The following TBC1D19 variants were observed in gnomAD, a reference collection of about 807,000 sequenced individuals.
TBC1D19 encodes the protein TBC1 domain family, member 19.
In TBC1D19, 60 loss-of-function variants were observed where a neutral mutation model predicts 89.0. That is an observed-to-expected ratio of 0.67 (90% CI 0.55 to 0.84). The LOEUF (loss-of-function observed/expected upper bound fraction) is 0.84. Ranked by LOEUF, TBC1D19 falls within the 40% of genes least tolerant of loss-of-function variation. TBC1D19 has a pLI of 0.00. For synonymous variants in TBC1D19, 189 were observed against 199.7 expected (o/e 0.95, Z 0.45); for missense variants, 500 against 610.8 (o/e 0.82, Z 1.91).
the TBC1D19 span, among the ~76,000 whole-genome samples, chr4:26,837,167 C>A: frequency 8.5e-5 from 13 of 152,106 alleles, no homozygotes; most frequent in African/African-American, 2.9e-4. Context: ...AGTCACTAAA[C>A]CACAGAGGCA....
intron 17 of TBC1D19, among the ~76,000 whole-genome samples, chr4:26,740,215 A>T (rs114050457): frequency 0.017 from 2,556 of 152,314 alleles, 51 homozygotes; most frequent in South Asian, 0.067. Flanking sequence ...TCTTTTACAT[A>T]TTAAAAAAAT....
chr4:26,836,514 C>A, the TBC1D19 span, among the ~76,000 whole-genome samples: 1 of 152,178 alleles, frequency 6.6e-6, no homozygotes, highest in African/African-American at 2.4e-5. Context: ...GTCCTGCACC[C>A]CCAGCTGCCT....
Position 26,584,431 on chromosome 4 carries a change from AC to A in TBC1D19, c.99+140del. ...GTGCTCAAAAAACAAACAGACAAAA[AC>A]AAAAACAAAAACAAAAACAAAAACA... On this transcript the variant is annotated intron_variant, in intron 1 of 20. Coordinates refer to ENST00000264866, the MANE Select transcript of TBC1D19 (RefSeq NM_018317.4). 4 of 593,222 alleles carry A rather than the reference AC, an allele frequency of 6.7e-6. No homozygotes were observed. The East Asian group carries it at 1.2e-4, about 18-fold the overall frequency. The allele number at this position is 593,222 out of a possible 1,614,324, so 36.7% of individuals were successfully genotyped here.
chr4:26,841,474 G>A, the TBC1D19 span, among the ~76,000 whole-genome samples: 1 of 152,088 alleles, frequency 6.6e-6, no homozygotes, highest in South Asian at 2.1e-4. Context: ...TGATGCAGAG[G>A]TTGCAATATC....
chr4:26,593,169 C>T (rs1739940334), intron 1 of TBC1D19, among the ~76,000 whole-genome samples: 1 of 152,152 alleles, frequency 6.6e-6, no homozygotes, highest in Non-Finnish European at 1.5e-5. Context: ...GAACAGAGGC[C>T]TCAGAAATAA....
Position 26,670,935 on chromosome 4 carries a change from T to A in TBC1D19, c.665-1214T>A, listed in dbSNP as rs1250211003. Among the ~76,000 whole-genome samples, 6 of 151,440 alleles carry A rather than the reference T, an allele frequency of 4.0e-5. No homozygotes were observed. In the East Asian group the frequency reaches 1.2e-3, roughly 29 times the overall value. ...TGTATTGTAATCTATTGTATGAATA[T>A]GCCACTATCTAGTATCCTGCTGATG... On this transcript the variant is annotated intron_variant, in intron 9 of 20. Coordinates refer to ENST00000264866, the MANE Select transcript of TBC1D19 (RefSeq NM_018317.4).
chr4:26,650,528 T>G (rs1006757852), intron 7 of TBC1D19, among the ~76,000 whole-genome samples: 5 of 152,142 alleles, frequency 3.3e-5, no homozygotes, highest in Non-Finnish European at 7.4e-5. Flanking sequence ...GAAGTGTCTG[T>G]TCATATCCTT....
At chr4:26,728,331 TA>T (rs1239165101) in intron 15 of TBC1D19, among the ~76,000 whole-genome samples, 1 of 152,222 alleles carries the variant, frequency 6.6e-6, no homozygotes, top group Non-Finnish European at 1.5e-5. Flanking sequence ...AATATGTACT[TA>T]CACTTTTATA....
intron 1 of TBC1D19, 139 bp from the exon 2 acceptor site, chr4:26,613,030 A>G: frequency 1.7e-6 from 1 of 605,578 alleles, no homozygotes; most frequent in South Asian, 2.1e-5. Context: ...CTATCTTCAA[A>G]GAGGATTTTT....
intron 13 of TBC1D19, among the ~76,000 whole-genome samples, chr4:26,703,725 G>A (rs1027854232): frequency 4.4e-4 from 67 of 151,622 alleles, no homozygotes; most frequent in Non-Finnish European, 8.4e-4. Flanking sequence ...AGGCCAAGGC[G>A]GGTGGATCAC....
intron 15 of TBC1D19, among the ~76,000 whole-genome samples, chr4:26,721,021 G>C (rs1232801097): frequency 1.3e-5 from 2 of 152,032 alleles, no homozygotes; most frequent in Non-Finnish European, 2.9e-5. Flanking sequence ...CTCTCCCTGT[G>C]TCTCTCAATA....
chr4:26,619,207 CTTTTTTT>C lies in TBC1D19; in HGVS notation c.219-1397_219-1391del, dbSNP rs780946990. On this transcript the variant is annotated intron_variant, in intron 3 of 20. Coordinates refer to ENST00000264866, the MANE Select transcript of TBC1D19 (RefSeq NM_018317.4). ...TCTCTCAAATTTTAATCCTAAATTT[CTTTTTTT>C]TTTTTTTTGAGACGGAATCTTGCTC... Among the ~76,000 whole-genome samples the C allele has an allele frequency of 2.1e-5, 3 of 139,746 alleles. No individual in the cohort carries two copies. The East Asian group carries it at 6.2e-4, about 29-fold the overall frequency. The allele number at this position is 139,746 out of a possible 152,430, so 91.7% of individuals were successfully genotyped here. A position where few individuals can be genotyped will look rare whatever the true frequency, so the allele number is the denominator to read the frequency against.
chr4:26,703,076 A>G (rs1715459438), intron 13 of TBC1D19, among the ~76,000 whole-genome samples: 1 of 152,206 alleles, frequency 6.6e-6, no homozygotes, highest in Non-Finnish European at 1.5e-5. Context: ...TGTATATACT[A>G]CATTTTCTTT....
At chr4:26,820,807 C>G in the TBC1D19 span, among the ~76,000 whole-genome samples, 8 of 152,124 alleles carry the variant, frequency 5.3e-5, no homozygotes, top group African/African-American at 1.4e-4. Flanking sequence ...TACTTTTCAC[C>G]ATAGCACCTA....
At chr4:26,806,271 C>A in the TBC1D19 span, among the ~76,000 whole-genome samples, 1 of 152,218 alleles carries the variant, frequency 6.6e-6, no homozygotes, top group South Asian at 2.1e-4. Context: ...CCTGCCCTGA[C>A]TTCCACAGGC....
chr4:26,606,307 G>C (rs760947465), intron 1 of TBC1D19, among the ~76,000 whole-genome samples: 17 of 152,222 alleles, frequency 1.1e-4, no homozygotes, highest in Non-Finnish European at 2.2e-4. Context: ...AATGGCCAGG[G>C]TGGTAAGAAG....
chr4:26,585,528 A>C (rs1239912087), intron 1 of TBC1D19, among the ~76,000 whole-genome samples: 1 of 151,602 alleles, frequency 6.6e-6, no homozygotes, highest in Admixed American at 6.6e-5. Context: ...GATTCTTTCT[A>C]TATGATGTAA....
At chr4:26,848,839 G>T in the TBC1D19 span, among the ~76,000 whole-genome samples, 1 of 152,030 alleles carries the variant, frequency 6.6e-6, no homozygotes, top group South Asian at 2.1e-4. Flanking sequence ...AGGCTTTTAG[G>T]CTTACATCTT....
chr4:26,605,385 A>T (rs1230391755), intron 1 of TBC1D19, among the ~76,000 whole-genome samples: 1 of 151,356 alleles, frequency 6.6e-6, no homozygotes, highest in Admixed American at 6.6e-5. Flanking sequence ...ACATGGACTC[A>T]TCATTTTTTA....
Sources: gnomAD v4.1 joint callset for allele counts (sites outside exome capture counted in the v4.1 genomes callset) on GRCh38, gnomAD v4.1.1 for gene constraint, MANE v1.5 for transcripts, NCBI Gene and HGNC (gene_info 2026-07-23, HGNC 2026-07-21) for gene names.